LHFPL3: variants seen among roughly 807,000 people sequenced by gnomAD.
LHFPL3 encodes LHFPL tetraspan subfamily member 3.
Under a neutral mutation model 19.3 loss-of-function variants are expected in LHFPL3, and 5 were observed. The ratio of observed to expected loss-of-function variants is 0.26; its 90% CI spans 0.14 to 0.54. The LOEUF is 0.54. Among genes scored for constraint, LHFPL3 ranks in the 20% least tolerant of loss-of-function variants. LHFPL3 has a pLI of 0.94. For missense variants in LHFPL3, 249 were observed against 307.4 expected, an observed-to-expected ratio of 0.81 and a Z score of 1.42; for synonymous variants, 133 against 126.2, an observed-to-expected ratio of 1.05 and a Z score of -0.36.
chr7:104,432,240 T>C (rs1488902350), intron 1 of LHFPL3, among the ~76,000 whole-genome samples: 2 of 152,200 alleles, frequency 1.3e-5, no homozygotes, highest in African/African-American at 4.8e-5. Flanking sequence ...TTTCTGCCTG[T>C]ACATCCTGTA....
At chr7:104,655,465 G>T (rs187616583) in intron 1 of LHFPL3, among the ~76,000 whole-genome samples, 5 of 152,336 alleles carry the variant, frequency 3.3e-5, no homozygotes, top group African/African-American at 9.6e-5. Flanking sequence ...TGGTATGGAC[G>T]TTGGAGTAAC....
At chr7:104,860,170 A>C (rs1036861828) in intron 2 of LHFPL3, among the ~76,000 whole-genome samples, 1 of 91,788 alleles carries the variant, frequency 1.1e-5, no homozygotes, top group African/African-American at 3.6e-5. Context: ...ACACACACAT[A>C]CACCCACCCA....
chr7:104,740,262 A>G lies in LHFPL3; in HGVS notation c.682+3351A>G, dbSNP rs75322491. 4.7e-3 allele frequency among the ~76,000 whole-genome samples: 720 copies of G among 152,330 alleles called. 21 individuals are homozygous for G. In the East Asian group the frequency reaches 0.054, roughly 11 times the overall value. On this transcript the variant is annotated intron_variant, in intron 2 of 2. Transcript: ENST00000424859. ...ACAGTCTCAAGAAGTTCTTCATAGC[A>G]GCATGAAAATGAACAAATGCAATGG...
chr7:104,605,871 GAA>G (rs11443804), intron 1 of LHFPL3, among the ~76,000 whole-genome samples: 1 of 147,488 alleles, frequency 6.8e-6, no homozygotes, highest in Non-Finnish European at 1.5e-5. Context: ...ATGATGGTCT[GAA>G]AAAAAAAAAC....
chr7:104,857,376 T>A (rs1791528777), intron 2 of LHFPL3, among the ~76,000 whole-genome samples: 1 of 152,240 alleles, frequency 6.6e-6, no homozygotes, highest in Admixed American at 6.5e-5. Flanking sequence ...TGATTCATTC[T>A]ATATTATTTT....
chr7:104,454,058 T>C (rs62485100), intron 1 of LHFPL3, among the ~76,000 whole-genome samples: 12,035 of 152,230 alleles, frequency 0.079, 650 homozygotes, highest in East Asian at 0.23. Context: ...TACAGTTTAA[T>C]TGGGCTCAGG....
chr7:104,672,884 C>T (rs10280745), intron 1 of LHFPL3, among the ~76,000 whole-genome samples: 44,841 of 151,738 alleles, frequency 0.3, 6,926 homozygotes, highest in East Asian at 0.54. Context: ...AATGAATGCT[C>T]GGGGTTTCTG....
chr7:104,409,035 T>A (rs1199344337), intron 1 of LHFPL3, among the ~76,000 whole-genome samples: 1 of 149,278 alleles, frequency 6.7e-6, no homozygotes, highest in African/African-American at 2.5e-5. Flanking sequence ...CGGCTAATTT[T>A]TTTTTTTTTT....
chr7:104,760,139 C>T (rs550758801), intron 2 of LHFPL3, among the ~76,000 whole-genome samples: 1 of 152,256 alleles, frequency 6.6e-6, no homozygotes, highest in East Asian at 1.9e-4. Context: ...CTACCAAGTT[C>T]CCAGGAGATG....
At chr7:104,516,965 A>G in intron 1 of LHFPL3, among the ~76,000 whole-genome samples, 1 of 152,238 alleles carries the variant, frequency 6.6e-6, no homozygotes, top group South Asian at 2.1e-4. Context: ...CTATGCAGTC[A>G]TAAAAAATGA....
intron 2 of LHFPL3, among the ~76,000 whole-genome samples, chr7:104,824,777 A>G (rs1264526987): frequency 8.7e-6 from 1 of 114,998 alleles, no homozygotes; most frequent in Non-Finnish European, 1.7e-5. Context: ...ATTATATATT[A>G]TATATTTCAA....
At chr7:104,638,637 A>G (rs774808931) in intron 1 of LHFPL3, among the ~76,000 whole-genome samples, 4 of 152,104 alleles carry the variant, frequency 2.6e-5, no homozygotes, top group African/African-American at 7.2e-5. Flanking sequence ...TTTTGCATCC[A>G]TTGAGATAAT....
At chr7:104,904,212 T>C (rs530877244) in intron 2 of LHFPL3, among the ~76,000 whole-genome samples, 54 of 152,340 alleles carry the variant, frequency 3.5e-4, no homozygotes, top group African/African-American at 1.3e-3. Context: ...GAGAAGTTCA[T>C]TAAGATCATA....
rs142347341 is a variant in LHFPL3, at chr7:104,894,228, T to G, written c.683-11959T>G. On this transcript the variant is annotated intron_variant, in intron 2 of 2. Coordinates refer to ENST00000424859, the MANE Select transcript of LHFPL3 (RefSeq NM_199000.3). ...TACTTTTGTCATTGTTAAAATAGCATTAATAATATTACCTGCCCCGTAACG... is the reference window on the plus strand; with the variant it reads ...TACTTTTGTCATTGTTAAAATAGCAGTAATAATATTACCTGCCCCGTAACG... Among the ~76,000 whole-genome samples the G allele has an allele frequency of 1.9e-3, 293 of 152,332 alleles. 2 individuals carry two copies. Among genetic ancestry groups the G allele is most frequent in the African/African-American group, 6.9e-3 (285 of 41,582 alleles).
chr7:104,519,006 T>G (rs1428463484), intron 1 of LHFPL3, among the ~76,000 whole-genome samples: 1 of 152,116 alleles, frequency 6.6e-6, no homozygotes, highest in Non-Finnish European at 1.5e-5. Flanking sequence ...AATACACACA[T>G]TTTTGCTTGT....
intron 1 of LHFPL3, among the ~76,000 whole-genome samples, chr7:104,627,537 T>G (rs1470619198): frequency 6.6e-6 from 1 of 152,164 alleles, no homozygotes; most frequent in Non-Finnish European, 1.5e-5. Context: ...TCTAATTGAT[T>G]ATTAGTTTCA....
At chr7:104,750,057 A>T (rs541484572) in intron 2 of LHFPL3, among the ~76,000 whole-genome samples, 294 of 152,262 alleles carry the variant, frequency 1.9e-3, no homozygotes, top group Middle Eastern at 0.017. Flanking sequence ...GTTGTAATAA[A>T]TCTCGACCCC....
At chr7:104,408,333 T>G (rs529213897) in intron 1 of LHFPL3, among the ~76,000 whole-genome samples, 104 of 148,650 alleles carry the variant, frequency 7.0e-4, no homozygotes, top group African/African-American at 2.5e-3. Context: ...GGGTTAATTG[T>G]TGAGCTCCAT....
intron 1 of LHFPL3, among the ~76,000 whole-genome samples, chr7:104,712,370 T>A (rs1352123012): frequency 2.0e-5 from 3 of 152,210 alleles, no homozygotes; most frequent in African/African-American, 7.2e-5. Context: ...AACAGCTGTC[T>A]TTTTGTTGTA....
Sources: gnomAD v4.1 joint callset for allele counts (sites outside exome capture counted in the v4.1 genomes callset) on GRCh38, gnomAD v4.1.1 for gene constraint, MANE v1.5 for transcripts, NCBI Gene and HGNC (gene_info 2026-07-23, HGNC 2026-07-21) for gene names.